The following CUTC variants were observed in gnomAD, a reference collection of about 807,000 sequenced individuals.
CUTC encodes copper homeostasis protein cutC homolog.
In CUTC, 27 loss-of-function variants were observed where a neutral mutation model predicts 36.2. That is an observed-to-expected ratio of 0.75 (90% CI 0.55 to 1.03). The LOEUF is 1.03. CUTC is among the 50% of genes least tolerant of loss of function. The probability of loss-of-function intolerance (pLI) is 0.00; values close to 1 mark genes in which losing one functional copy is unlikely to be tolerated. For synonymous variants in CUTC, 114 were observed against 118.3 expected, an observed-to-expected ratio of 0.96 and a Z score of 0.24; for missense variants, 315 against 343.5, an observed-to-expected ratio of 0.92 and a Z score of 0.66.
chr10:99,750,733 T>C (rs1048766627), intron 7 of CUTC, among the ~76,000 whole-genome samples: 1 of 152,202 alleles, frequency 6.6e-6, no homozygotes. Context: ...ACATCAAATT[T>C]GATGCTAATC....
At chr10:99,735,677 G>A (rs1310160813) in intron 1 of CUTC, among the ~76,000 whole-genome samples, 1 of 152,118 alleles carries the variant, frequency 6.6e-6, no homozygotes, top group Non-Finnish European at 1.5e-5. Flanking sequence ...CAAAGTGCTG[G>A]GATTACAGGC....
At position 99,750,356 on chromosome 10, in the gene CUTC, T is replaced by C; in HGVS notation, c.574-13T>C. The C allele has an allele frequency of 1.3e-6, 2 of 1,582,904 alleles. No homozygotes were observed. The highest frequency in any genetic ancestry group is 2.3e-5 in the East Asian group (1 of 44,186). ...ATATTAAAATTCACTTGTTTTTTTT[T>C]TTCTTTTTTCAGGCAAAAGGCAGGA... On this transcript the variant is annotated splice_polypyrimidine_tract_variant and intron_variant, in intron 6 of 8. Coordinates refer to ENST00000370476, the MANE Select transcript of CUTC (RefSeq NM_015960.3).
intron 8 of CUTC, 46 bp from the exon 9 acceptor site, chr10:99,755,579 C>T: frequency 8.0e-7 from 1 of 1,254,878 alleles, no homozygotes. Flanking sequence ...GTAGGAGGGC[C>T]CATTTAATAA....
rs1371359802 is a variant in CUTC, at chr10:99,754,676, A to C, written c.707+42A>C. On this transcript the variant is annotated intron_variant, in intron 8 of 8. Transcript: ENST00000370476. ...CGATTCAAATAAGAAGGATGAGATT[A>C]ATTTTTACTTTCTCCCAAATAGAAA... The C allele has an allele frequency of 4.9e-6, 7 of 1,423,044 alleles. No homozygotes were observed. In the East Asian group the frequency reaches 1.1e-4, roughly 23 times the overall value. 88.2% of individuals were successfully genotyped at this position (1,423,044 alleles called of 1,614,324 possible). A position where few individuals can be genotyped will look rare whatever the true frequency, so the allele number is the denominator to read the frequency against.
At chr10:99,739,403 G>A (rs2037321972) in intron 2 of CUTC, among the ~76,000 whole-genome samples, 1 of 152,136 alleles carries the variant, frequency 6.6e-6, no homozygotes, top group South Asian at 2.1e-4. Context: ...TTCCACTATA[G>A]TCAGTTTTAA....
intron 3 of CUTC, among the ~76,000 whole-genome samples, chr10:99,740,144 G>A (rs2037331390): frequency 6.6e-6 from 1 of 152,020 alleles, no homozygotes. Context: ...TGTATTGTTA[G>A]TTTTGTTTGA....
At chr10:99,741,672 G>T (rs2037342171) in intron 3 of CUTC, among the ~76,000 whole-genome samples, 1 of 151,886 alleles carries the variant, frequency 6.6e-6, no homozygotes, top group African/African-American at 2.4e-5. Context: ...TCAAGCAATT[G>T]TCCTGCCTCA....
rs748347970 is a variant in CUTC, at chr10:99,744,057, G to A, written c.424G>A (p.Val142Ile). 28 of 1,612,312 alleles carry A rather than the reference G, an allele frequency of 1.7e-5. No individual in the cohort carries two copies. Among genetic ancestry groups the A allele is most frequent in the Non-Finnish European group, 2.2e-5 (26 of 1,179,504 alleles). ...TATAGCTATTTGCCGCCCTCTGCCAGTCACTTTCCACCGAGGTGAGTCATT... is the reference window on the plus strand; with the variant it reads ...TATAGCTATTTGCCGCCCTCTGCCAATCACTTTCCACCGAGGTGAGTCATT... ...SLMAICRPLP[V>I]TFHRAFDMVH... Residue 142 changes from valine to isoleucine, a missense_variant, in exon 5 of 9, where the codon GTC (valine) becomes ATC (isoleucine). Physicochemically the swap from Val to Ile is conservative, Grantham distance 29. Coordinates refer to ENST00000370476, the MANE Select transcript of CUTC (RefSeq NM_015960.3).
chr10:99,742,937 T>G (rs1482049831), intron 3 of CUTC, among the ~76,000 whole-genome samples: 1 of 152,224 alleles, frequency 6.6e-6, no homozygotes, highest in Non-Finnish European at 1.5e-5. Flanking sequence ...GGATTTTTGT[T>G]GAGTCAACTG....
At chr10:99,749,504 C>T (rs1164810355) in intron 6 of CUTC, among the ~76,000 whole-genome samples, 1 of 151,768 alleles carries the variant, frequency 6.6e-6, no homozygotes, top group African/African-American at 2.4e-5. Context: ...GTATGGAAGG[C>T]GAAAAGAAAT....
chr10:99,733,917 T>TC (rs2037265496), intron 1 of CUTC, among the ~76,000 whole-genome samples: 1 of 151,966 alleles, frequency 6.6e-6, no homozygotes, highest in Non-Finnish European at 1.5e-5. Flanking sequence ...AGGCAAATAG[T>TC]CCCCCGGCAG....
Position 99,754,552 on chromosome 10 carries a change from C to G in CUTC, c.625C>G (p.Leu209Val). 6.2e-7 allele frequency: 1 copy of G among 1,613,102 alleles called. No homozygotes were observed. The highest frequency in any genetic ancestry group is 8.5e-7 in the Non-Finnish European group (1 of 1,179,284). Residue 209 changes from leucine to valine, a missense_variant, in exon 8 of 9, where the codon CTA becomes GTA. Coordinates refer to ENST00000370476, the MANE Select transcript of CUTC (RefSeq NM_015960.3). ...MPGGGITDRN[L>V]QRILEGSGAT... ...AGGAGGTGGTATAACAGACAGAAAT[C>G]TACAAAGGATCCTTGAGGGTTCAGG... is the stretch of plus-strand genomic sequence containing the variant.
Position 99,738,382 on chromosome 10 carries a change from C to G in CUTC, c.134-1328C>G, listed in dbSNP as rs576893093. ...AGTTTTCAGATTTCTCCAGTTGACT[C>G]ATACAGGGTGTGTGTGTGTGTGTGT... On this transcript the variant is annotated intron_variant, in intron 2 of 8. Transcript: ENST00000370476. 2.3e-3 allele frequency among the ~76,000 whole-genome samples: 294 copies of G among 128,070 alleles called. 1 individual carries two copies. The highest frequency in any genetic ancestry group is 6.5e-3 in the African/African-American group (218 of 33,400). 84.0% of individuals were successfully genotyped at this position (128,070 alleles called of 152,430 possible). A position where few individuals can be genotyped will look rare whatever the true frequency, so the allele number is the denominator to read the frequency against.
Position 99,736,259 on chromosome 10 carries a change from A to ATT in CUTC, c.77_78dup (p.Leu27PhefsTer14), listed in dbSNP as rs759065355. 1.2e-6 allele frequency: 2 copies of ATT among 1,613,896 alleles called. No individual in the cohort carries two copies. The highest frequency in any genetic ancestry group is 3.3e-5 in the Admixed American group (2 of 60,016). ...CATGTATTTTAGGAGCAGCAAATGG[A>ATT]TTTCTCATGGAAGTTTGTGTTGATT... is the stretch of plus-strand genomic sequence containing the variant. On this transcript the variant is annotated frameshift_variant, in exon 2 of 9. Transcript: ENST00000370476. LOFTEE classifies it high-confidence loss of function.
At chr10:99,745,031 G>T (rs766597588) in intron 5 of CUTC, among the ~76,000 whole-genome samples, 1 of 152,176 alleles carries the variant, frequency 6.6e-6, no homozygotes, top group South Asian at 2.1e-4. Context: ...GATTACAGGC[G>T]TGAGCCACCA....
intron 2 of CUTC, among the ~76,000 whole-genome samples, chr10:99,736,753 T>A (rs188189626): frequency 0.025 from 3,743 of 152,122 alleles, 78 homozygotes; most frequent in Middle Eastern, 0.13. Context: ...TAAAAAAAAA[T>A]TTTATTATGG....
chr10:99,747,886 A>C (rs1413673976), intron 6 of CUTC, among the ~76,000 whole-genome samples: 2 of 152,184 alleles, frequency 1.3e-5, no homozygotes, highest in Non-Finnish European at 2.9e-5. Context: ...ATCCCATATA[A>C]AATTATCATC....
intron 7 of CUTC, among the ~76,000 whole-genome samples, chr10:99,750,645 T>TA: frequency 6.6e-6 from 1 of 152,294 alleles, no homozygotes; most frequent in East Asian, 1.9e-4. Context: ...AGGAAGCAGA[T>TA]AGAGATTGAG....
Position 99,738,818 on chromosome 10 carries a change from G to A in CUTC, c.134-892G>A, listed in dbSNP as rs555221921. Among the ~76,000 whole-genome samples, 4 of 152,170 alleles carry A rather than the reference G, an allele frequency of 2.6e-5. No homozygotes were observed. The South Asian group carries it at 6.2e-4, about 24-fold the overall frequency. On this transcript the variant is annotated intron_variant, in intron 2 of 8. Coordinates refer to ENST00000370476, the MANE Select transcript of CUTC (RefSeq NM_015960.3). ...TATTAAGATTGAACAGGGAGTTCAG[G>A]TATTGCCAGCCTAATCTATCCTTAA...
Sources: gnomAD v4.1 joint callset for allele counts (sites outside exome capture counted in the v4.1 genomes callset) on GRCh38, gnomAD v4.1.1 for gene constraint, MANE v1.5 for transcripts, NCBI Gene and HGNC (gene_info 2026-07-23, HGNC 2026-07-21) for gene names.